Variants in PRKN observed in about 807,000 individuals in gnomAD.
PRKN encodes the protein E3 ubiquitin-protein ligase parkin.
PRKN carries 56 observed loss-of-function variants against 59.5 expected under a neutral mutation model. That is an observed-to-expected ratio of 0.94 (90% CI 0.76 to 1.18). The LOEUF is 1.18. Among genes scored for constraint, PRKN ranks in the 50% most tolerant of loss-of-function variants. The probability of loss-of-function intolerance (pLI) is 0.00; values close to 1 mark genes in which losing one functional copy is unlikely to be tolerated. For missense variants in PRKN, 657 were observed against 596.4 expected (o/e 1.10, Z -1.06); for synonymous variants, 250 against 222.1 (o/e 1.13, Z -1.12).
chr6:162,300,630 C>T (rs980334123), intron 2 of PRKN, among the ~76,000 whole-genome samples: 1 of 152,110 alleles, frequency 6.6e-6, no homozygotes, highest in Non-Finnish European at 1.5e-5. Context: ...GAACACCTCA[C>T]TTCTCTAAAG....
chr6:162,537,693 T>C (rs1778776583), intron 1 of PRKN, among the ~76,000 whole-genome samples: 1 of 152,180 alleles, frequency 6.6e-6, no homozygotes, highest in African/African-American at 2.4e-5. Context: ...ACTCCTGCAA[T>C]CTTGTCCTGT....
chr6:162,491,149 A>G (rs1265082829), intron 1 of PRKN, among the ~76,000 whole-genome samples: 2 of 151,148 alleles, frequency 1.3e-5, no homozygotes, highest in African/African-American at 4.9e-5. Flanking sequence ...ACATGCCTGT[A>G]GTCCCAGCTG....
chr6:162,290,200 G>T (rs1228479468), intron 2 of PRKN, among the ~76,000 whole-genome samples: 1 of 152,138 alleles, frequency 6.6e-6, no homozygotes, highest in Non-Finnish European at 1.5e-5. Flanking sequence ...CATTTTGCAT[G>T]CAGGGATTGT....
intron 1 of PRKN, among the ~76,000 whole-genome samples, chr6:162,635,393 A>C (rs1181484766): frequency 6.6e-6 from 1 of 152,204 alleles, no homozygotes; most frequent in Admixed American, 6.5e-5. Context: ...TTTGGCTTTT[A>C]GGGTGAAATC....
chr6:162,174,742 C>T (rs1358475873), intron 4 of PRKN, among the ~76,000 whole-genome samples: 1 of 152,188 alleles, frequency 6.6e-6, no homozygotes, highest in Non-Finnish European at 1.5e-5. Flanking sequence ...TCATTTAACA[C>T]ACAACTAGTC....
intron 6 of PRKN, among the ~76,000 whole-genome samples, chr6:161,918,566 T>G (rs951201840): frequency 9.2e-5 from 14 of 152,216 alleles, no homozygotes; most frequent in African/African-American, 3.4e-4. Flanking sequence ...TGCAAAATAC[T>G]GCATGGTATA....
At chr6:162,644,539 T>C (rs1324176399) in intron 1 of PRKN, among the ~76,000 whole-genome samples, 1 of 152,058 alleles carries the variant, frequency 6.6e-6, no homozygotes, top group Non-Finnish European at 1.5e-5. Context: ...AGCCTTAACC[T>C]TCCATAAAAA....
At chr6:162,274,073 T>G (rs1019077710) in intron 2 of PRKN, among the ~76,000 whole-genome samples, 1 of 152,166 alleles carries the variant, frequency 6.6e-6, no homozygotes, top group Non-Finnish European at 1.5e-5. Flanking sequence ...ATTTTAATTT[T>G]TTCCAAATCT....
chr6:162,316,186 ATGTATAGGACC>A, intron 2 of PRKN, among the ~76,000 whole-genome samples: 1 of 151,760 alleles, frequency 6.6e-6, no homozygotes. Flanking sequence ...GGCATACAAG[ATGTATAGGACC>A]ATGAAAAATG....
intron 4 of PRKN, among the ~76,000 whole-genome samples, chr6:162,167,518 C>G (rs537129603): frequency 1.3e-5 from 2 of 151,934 alleles, no homozygotes; most frequent in East Asian, 3.9e-4. Context: ...AGGGATCTGA[C>G]TATTATAGAG....
At chr6:161,398,966 A>G (rs1051384970) in intron 9 of PRKN, among the ~76,000 whole-genome samples, 1 of 152,124 alleles carries the variant, frequency 6.6e-6, no homozygotes, top group African/African-American at 2.4e-5. Context: ...CTGTTTTCAC[A>G]CCCAAATGTT....
At chr6:162,095,808 T>C (rs1015220354) in intron 4 of PRKN, among the ~76,000 whole-genome samples, 1 of 152,126 alleles carries the variant, frequency 6.6e-6, no homozygotes, top group Admixed American at 6.5e-5. Flanking sequence ...GTATCCTGCA[T>C]AGCTTTGAGA....
chr6:161,909,418 C>T (rs953199529), intron 6 of PRKN, among the ~76,000 whole-genome samples: 2 of 151,832 alleles, frequency 1.3e-5, no homozygotes, highest in African/African-American at 4.8e-5. Flanking sequence ...TTTTGTGTAA[C>T]AATAAAAATC....
intron 2 of PRKN, among the ~76,000 whole-genome samples, chr6:162,319,320 A>T (rs1382243831): frequency 1.3e-5 from 2 of 152,016 alleles, no homozygotes; most frequent in South Asian, 4.2e-4. Context: ...TAATATTAAT[A>T]CACAAAGAAA....
intron 2 of PRKN, among the ~76,000 whole-genome samples, chr6:162,339,236 G>C (rs1280700113): frequency 6.8e-6 from 1 of 146,952 alleles, no homozygotes; most frequent in African/African-American, 2.5e-5. Flanking sequence ...GTCCGGGAGG[G>C]AGGTGGTGGG....
At chr6:162,685,610 A>C (rs1039029665) in intron 1 of PRKN, among the ~76,000 whole-genome samples, 15 of 152,188 alleles carry the variant, frequency 9.9e-5, no homozygotes, top group African/African-American at 3.6e-4. Context: ...AATGGTAAAC[A>C]GTTTAGCCAG....
chr6:161,784,866 T>A (rs1467205486), intron 7 of PRKN, among the ~76,000 whole-genome samples: 1 of 152,126 alleles, frequency 6.6e-6, no homozygotes, highest in Admixed American at 6.5e-5. Flanking sequence ...CAAATGCCCA[T>A]CAGCAGATGA....
At chr6:162,365,957 T>C (rs1785416236) in intron 2 of PRKN, among the ~76,000 whole-genome samples, 1 of 152,130 alleles carries the variant, frequency 6.6e-6, no homozygotes, top group Admixed American at 6.5e-5. Flanking sequence ...ACTTGGATTG[T>C]AGCACATTTA....
intron 6 of PRKN, among the ~76,000 whole-genome samples, chr6:161,874,719 C>CAATATATAAAAAATATAT (rs1794607504): frequency 1.2e-5 from 1 of 84,344 alleles, no homozygotes; most frequent in East Asian, 3.4e-4. Context: ...ATAAAATGTA[C>CAATATATAAAAAATATAT]AATATATAAA....
Sources: gnomAD v4.1 joint callset for allele counts (sites outside exome capture counted in the v4.1 genomes callset) on GRCh38, gnomAD v4.1.1 for gene constraint, MANE v1.5 for transcripts, NCBI Gene and HGNC (gene_info 2026-07-23, HGNC 2026-07-21) for gene names.